The following CHD1 variants were observed in gnomAD, a reference collection of about 807,000 sequenced individuals.
CHD1 encodes the protein ATP-dependent chromatin remodeler CHD1.
Under a neutral mutation model 224.2 loss-of-function variants are expected in CHD1, and 36 were observed. The ratio of observed to expected loss-of-function variants is 0.16; its 90% CI spans 0.12 to 0.21. The LOEUF (loss-of-function observed/expected upper bound fraction) is 0.21, where lower values mean the gene tolerates loss of function less well. CHD1 is among the 10% of genes least tolerant of loss of function. The pLI is 1.00. For missense variants in CHD1, 1,378 were observed against 1,994.8 expected (o/e 0.69, Z 5.89); for synonymous variants, 668 against 658.3 (o/e 1.01, Z -0.23).
In CHD1 at chr5:98,872,519, C is replaced by T; in HGVS notation, c.3608G>A (p.Arg1203Gln). 2 of 1,613,530 alleles carry T rather than the reference C, an allele frequency of 1.2e-6. No individual in the cohort carries two copies. Among genetic ancestry groups the T allele is most frequent in the South Asian group, 1.1e-5 (1 of 91,050 alleles). The change falls in exon 27 of 36, where the codon CGA becomes CAA. Residue 1203 changes from arginine (R) to glutamine (Q), a missense_variant. Physicochemically the swap from Arg to Gln is conservative, Grantham distance 43 (BLOSUM62 1). Coordinates refer to ENST00000614616, the MANE Select transcript of CHD1 (RefSeq NM_001270.4). Reference protein sequence around the residue: ...RLGKVKGPTFRISGVQVNAKL... With the variant: ...RLGKVKGPTFQISGVQVNAKL... ...GGCATTCACCTGTACTCCTGATATT[C>T]GGAATGTTGGACCCTTCACTTTTCC...
intron 2 of CHD1, among the ~76,000 whole-genome samples, chr5:98,914,489 G>A (rs1279796816): frequency 1.3e-5 from 2 of 151,832 alleles, no homozygotes; most frequent in Admixed American, 1.3e-4. Flanking sequence ...TACTGAGCTA[G>A]AGTTTCTATT....
intron 33 of CHD1, among the ~76,000 whole-genome samples, chr5:98,859,724 GTTA>G (rs1748321604): frequency 6.6e-6 from 1 of 152,026 alleles, no homozygotes; most frequent in Non-Finnish European, 1.5e-5. Context: ...TCTCTATAAA[GTTA>G]TTATTTTCCC....
intron 2 of CHD1, among the ~76,000 whole-genome samples, chr5:98,921,266 T>TA (rs1753077247): frequency 6.6e-6 from 1 of 152,194 alleles, no homozygotes; most frequent in Non-Finnish European, 1.5e-5. Context: ...AAACGAAACT[T>TA]ACCTAGCCTC....
In CHD1 at chr5:98,896,242, A is replaced by C. The variant is rs1028560986; in HGVS notation, c.1694T>G (p.Ile565Ser). 1.9e-6 allele frequency: 3 copies of C among 1,612,978 alleles called. No homozygotes were observed. In the Admixed American group the frequency reaches 5.0e-5, roughly 27 times the overall value. Residue 565 changes from isoleucine to serine, a missense_variant, in exon 12 of 36, where the codon ATT becomes AGT. This residue lies in a region of CHD1 where 49 missense variants were observed against 135.7 expected (regional missense o/e 0.36). Coordinates refer to ENST00000614616, the MANE Select transcript of CHD1 (RefSeq NM_001270.4). Reference protein sequence around the residue: ...QMNAVVYLGDINSRNMIRTHE... With the variant: ...QMNAVVYLGDSNSRNMIRTHE... ...ACAACTTACCATGTTTCTGCTGTTA[A>C]TGTCACCTAAATAAACCACAGCATT...
chr5:98,925,633 T>C (rs573276301), intron 2 of CHD1, among the ~76,000 whole-genome samples: 1 of 152,274 alleles, frequency 6.6e-6, no homozygotes, highest in South Asian at 2.1e-4. Context: ...CTACAGAATT[T>C]AAAGAATCTT....
At chr5:98,869,034 T>C in intron 30 of CHD1, 10 of 864,638 alleles carry the variant, frequency 1.2e-5, no homozygotes, top group Non-Finnish European at 1.4e-5. Context: ...TTTATGTCTT[T>C]TTCTTTCTGT....
chr5:98,907,041 CTCATTAG>C (rs1752089433), intron 2 of CHD1, among the ~76,000 whole-genome samples: 1 of 152,320 alleles, frequency 6.6e-6, no homozygotes, highest in Admixed American at 6.5e-5. Flanking sequence ...GCCTGTAATT[CTCATTAG>C]TCATTAGTCA....
At position 98,856,471 on chromosome 5, in the gene CHD1, T is replaced by C. The variant is rs1216366768; in HGVS notation, c.5042A>G (p.Gln1681Arg). 6.2e-7 allele frequency: 1 copy of C among 1,613,696 alleles called. No individual in the cohort carries two copies. The highest frequency in any genetic ancestry group is 1.7e-5 in the Admixed American group (1 of 59,998). ...SSSGPRSPLD[Q>R]RSPYGSRSPF... ...AGATCTGGAGCCATAAGGAGATCTC[T>C]GATCTAGTGGTGACCTAGGGCCACT... The change falls in exon 36 of 36, where the codon CAG becomes CGG. Residue 1681 changes from glutamine to arginine, a missense_variant. This residue lies in a region of CHD1 where 278 missense variants were observed against 298.5 expected (regional missense o/e 0.93). Coordinates refer to ENST00000614616, the MANE Select transcript of CHD1 (RefSeq NM_001270.4).
intron 2 of CHD1, among the ~76,000 whole-genome samples, chr5:98,920,206 G>A (rs1753000520): frequency 6.6e-6 from 1 of 151,998 alleles, no homozygotes. Flanking sequence ...TTTCCTTACA[G>A]AAATTCCATT....
rs542018738 is a variant in CHD1, at chr5:98,856,290, A to T, written c.*90T>A. On this transcript the variant is annotated 3_prime_UTR_variant, in exon 36 of 36. Transcript: ENST00000614616. ...ACTGCTACTGATAGAAGATCTGTTT[A>T]TATCTTTCAAGTCATGTAAGGCAAT... 3 of 886,838 alleles carry T rather than the reference A, an allele frequency of 3.4e-6. No homozygotes were observed. The highest frequency in any genetic ancestry group is 1.7e-5 in the African/African-American group (1 of 59,904). The allele number at this position is 886,838 out of a possible 1,614,324, so 54.9% of individuals were successfully genotyped here. A position where few individuals can be genotyped will look rare whatever the true frequency, so the allele number is the denominator to read the frequency against.
chr5:98,892,545 A>G lies in CHD1; in HGVS notation c.2160T>C (p.Ala720=), dbSNP rs377186969. Residue 720 remains alanine, a synonymous_variant, in exon 15 of 36, where the codon GCT becomes GCC. Transcript: ENST00000614616. ...CTTACTTGTAATATTGTTTCTGTAAAGCACTCATTTCCATTCTTAAAATCT... is the reference window on the plus strand; with the variant it reads ...CTTACTTGTAATATTGTTTCTGTAAGGCACTCATTTCCATTCTTAAAATCT... ...VEQILRMEMS[A]LQKQYYKWIL... 89 of 1,613,262 alleles carry G rather than the reference A, an allele frequency of 5.5e-5. No homozygotes were observed. The highest frequency in any genetic ancestry group is 7.5e-5 in the Non-Finnish European group (88 of 1,179,536).
rs1217732317 is a variant in CHD1, at chr5:98,907,986, T to C, written c.54-2888A>G. 9.2e-5 allele frequency among the ~76,000 whole-genome samples: 14 copies of C among 152,146 alleles called. 1 individual carries two copies. The highest frequency in any genetic ancestry group is 8.5e-4 in the Admixed American group (13 of 15,280). On this transcript the variant is annotated intron_variant, in intron 2 of 35. Transcript: ENST00000614616. ...AAATAGGTGAAAAGCCTCTCCCTAA[T>C]AAAGTAATTTTATTTCCACCTACTG...
At chr5:98,883,470 A>G (rs1750349946) in intron 18 of CHD1, among the ~76,000 whole-genome samples, 1 of 152,156 alleles carries the variant, frequency 6.6e-6, no homozygotes, top group African/African-American at 2.4e-5. Flanking sequence ...ATGACACTTC[A>G]ACTCTAACTG....
intron 2 of CHD1, among the ~76,000 whole-genome samples, chr5:98,909,834 T>A (rs1159125998): frequency 6.6e-6 from 1 of 152,178 alleles, no homozygotes; most frequent in Non-Finnish European, 1.5e-5. Context: ...AGCATCCTTG[T>A]TGATTTCCAA....
At chr5:98,857,355 TATATTGCATAAGCCTGTGAA>T (rs1302277987) in intron 35 of CHD1, among the ~76,000 whole-genome samples, 3 of 151,720 alleles carry the variant, frequency 2.0e-5, no homozygotes. Flanking sequence ...CAACTGTAAC[TATATTGCATAAGCCTGTGAA>T]ATATATACTA....
intron 2 of CHD1, among the ~76,000 whole-genome samples, chr5:98,917,301 A>AAAAAAAAAAAAAAAAAAAAAAAAAAC (rs1333196077): frequency 1.3e-5 from 2 of 149,726 alleles, no homozygotes; most frequent in African/African-American, 4.9e-5. Flanking sequence ...CAAAGAAACA[A>AAAAAAAAAAAAAAAAAAAAAAAAAAC]AAAAAAAAAA....
intron 8 of CHD1, among the ~76,000 whole-genome samples, chr5:98,899,058 G>C (rs80204370): frequency 1.3e-5 from 2 of 152,242 alleles, no homozygotes; most frequent in African/African-American, 4.8e-5. Flanking sequence ...CTCACTACCT[G>C]CAGGGGATTG....
intron 2 of CHD1, among the ~76,000 whole-genome samples, chr5:98,907,247 C>A (rs1290054557): frequency 6.6e-6 from 1 of 152,118 alleles, no homozygotes; most frequent in East Asian, 1.9e-4. Context: ...ATTAGAAATA[C>A]TGAATAAAGT....
chr5:98,876,673 A>G, intron 23 of CHD1, 115 bp from the exon 24 acceptor site: 2 of 856,184 alleles, frequency 2.3e-6, no homozygotes, highest in Non-Finnish European at 3.6e-6. Flanking sequence ...TGTATCAAAA[A>G]CATTCCATAA....
Sources: gnomAD v4.1 joint callset for allele counts (sites outside exome capture counted in the v4.1 genomes callset) on GRCh38, gnomAD v4.1.1 for gene constraint, gnomAD v4.1.1 regional missense constraint, MANE v1.5 for transcripts, NCBI Gene and HGNC (gene_info 2026-07-23, HGNC 2026-07-21) for gene names.